The following MAP3K21 variants were observed in gnomAD, a reference collection of about 807,000 sequenced individuals.
The protein encoded by MAP3K21 is mitogen-activated protein kinase kinase kinase 21.
Under a neutral mutation model 86.1 loss-of-function variants are expected in MAP3K21, and 63 were observed. That is an observed-to-expected ratio of 0.73 (90% CI 0.60 to 0.90). MAP3K21 has a LOEUF of 0.90. MAP3K21 is among the 40% of genes least tolerant of loss of function. The pLI is 0.00. For missense variants in MAP3K21, 1,220 were observed against 1,367.7 expected (o/e 0.89, Z 1.70); for synonymous variants, 558 against 564.8 (o/e 0.99, Z 0.17).
chr1:233,369,568 G>T (rs960488124), intron 5 of MAP3K21, among the ~76,000 whole-genome samples: 1 of 152,086 alleles, frequency 6.6e-6, no homozygotes, highest in Admixed American at 6.5e-5. Context: ...GCCCAATCCC[G>T]CCTCTACCCG....
Position 233,328,862 on chromosome 1 carries a change from A to G in MAP3K21, c.805+29A>G. The G allele has an allele frequency of 6.8e-7, 1 of 1,473,652 alleles. No homozygotes were observed. The highest frequency in any genetic ancestry group is 1.5e-5 in the African/African-American group (1 of 68,878). The allele number at this position is 1,473,652 out of a possible 1,614,324, so 91.3% of individuals were successfully genotyped here. A position where few individuals can be genotyped will look rare whatever the true frequency, so the allele number is the denominator to read the frequency against. On this transcript the variant is annotated intron_variant, in intron 1 of 9. Coordinates refer to ENST00000366624, the MANE Select transcript of MAP3K21 (RefSeq NM_032435.3). The surrounding 1 kb of genome is among the most constrained non-coding windows in gnomAD (Gnocchi z 8.7). The stretch of plus-strand genomic sequence containing the variant: ...AGTGGGGCCAGAGGGAGGTGGGGGA[A>G]GACTACCTCCGTGCCAGCCCAGGCG...
Position 233,328,928 on chromosome 1 carries a change from T to C in MAP3K21, c.805+95T>C. On this transcript the variant is annotated intron_variant, in intron 1 of 9. Coordinates refer to ENST00000366624, the MANE Select transcript of MAP3K21 (RefSeq NM_032435.3). This position sits in a 1 kb window ranked among gnomAD's most constrained non-coding sequence, Gnocchi z 8.7. ...AGTACCAGATGGAAAGAGGTGGGAG[T>C]CAGCCTTAGGGCGCCAGCAGCAACT... 8.2e-7 allele frequency: 1 copy of C among 1,214,822 alleles called. No individual in the cohort carries two copies. The highest frequency in any genetic ancestry group is 1.0e-6 in the Non-Finnish European group (1 of 962,068). The allele number at this position is 1,214,822 out of a possible 1,614,324, so 75.3% of individuals were successfully genotyped here.
At chr1:233,356,683 C>T (rs542787756) in intron 4 of MAP3K21, among the ~76,000 whole-genome samples, 1 of 152,314 alleles carries the variant, frequency 6.6e-6, no homozygotes, top group Non-Finnish European at 1.5e-5. Context: ...AAGCTTAAAA[C>T]AACCTGAATA....
At chr1:233,333,770 A>C (rs1286819085) in intron 1 of MAP3K21, among the ~76,000 whole-genome samples, 1 of 152,196 alleles carries the variant, frequency 6.6e-6, no homozygotes, top group Non-Finnish European at 1.5e-5. Flanking sequence ...CCATTTAAGA[A>C]GGTCATTTGT....
intron 5 of MAP3K21, among the ~76,000 whole-genome samples, chr1:233,367,105 C>T (rs931804314): frequency 2.6e-5 from 4 of 152,084 alleles, no homozygotes; most frequent in East Asian, 1.9e-4. Context: ...CACGTTAATA[C>T]AAGACAAAAG....
chr1:233,379,214 A>C lies in MAP3K21; in HGVS notation c.2208A>C (p.Gly736=), dbSNP rs780527886. Residue 736 remains glycine, a synonymous_variant, in exon 9 of 10, where the codon GGA becomes GGC. Transcript: ENST00000366624. ...CTVLLASVAL[G]LDLRELHKAQ... Reference sequence around the variant, plus strand: ...TCCTTCTGGCATCGGTGGCTCTGGGACTGGACCTCAGAGAGCTTCATAAAG... The same window carrying C: ...TCCTTCTGGCATCGGTGGCTCTGGGCCTGGACCTCAGAGAGCTTCATAAAG... The C allele has an allele frequency of 1.4e-5, 23 of 1,614,160 alleles. No individual in the cohort carries two copies. In the South Asian group the frequency reaches 2.5e-4, roughly 18 times the overall value.
In MAP3K21 at chr1:233,328,818, C is replaced by A. The variant is rs868710250; in HGVS notation, c.790C>A (p.Leu264Ile). 1 of 1,529,770 alleles carries A rather than the reference C, an allele frequency of 6.5e-7. No homozygotes were observed. Among genetic ancestry groups the A allele is most frequent in the Admixed American group, 2.0e-5 (1 of 49,798 alleles). 94.8% of individuals were successfully genotyped at this position (1,529,770 alleles called of 1,614,324 possible). A position where few individuals can be genotyped will look rare whatever the true frequency, so the allele number is the denominator to read the frequency against. ...EAFVPILHRD[L>I]KSSNILLLEK... ...CTTCGTGCCCATCCTGCACCGGGAC[C>A]TCAAGTCCAGCAACAGTAAGTGGGG... The change falls in exon 1 of 10, where the codon CTC becomes ATC. Residue 264 changes from leucine (L) to isoleucine (I), a missense_variant. Coordinates refer to ENST00000366624, the MANE Select transcript of MAP3K21 (RefSeq NM_032435.3). The surrounding 1 kb of genome is among the most constrained non-coding windows in gnomAD (Gnocchi z 8.7).
At chr1:233,358,378 T>C (rs766665058) in intron 4 of MAP3K21, among the ~76,000 whole-genome samples, 8 of 152,116 alleles carry the variant, frequency 5.3e-5, no homozygotes, top group Non-Finnish European at 1.0e-4. Context: ...CCTGCAGTTC[T>C]GTGAAGCATT....
At chr1:233,338,146 A>C (rs1662951165) in intron 1 of MAP3K21, among the ~76,000 whole-genome samples, 1 of 152,226 alleles carries the variant, frequency 6.6e-6, no homozygotes, top group Admixed American at 6.5e-5. Flanking sequence ...ATTAAAACTG[A>C]GTATACTACA....
rs575713653 is a variant in MAP3K21, at chr1:233,376,121, G to A, written c.1826+55G>A. On this transcript the variant is annotated intron_variant, in intron 7 of 9. Transcript: ENST00000366624. ...TGTGTAATATGACAAATCCATTCCT[G>A]TGTTAATATCACATCAGCCAGACTT... 1.7e-4 allele frequency: 243 copies of A among 1,439,396 alleles called. No homozygotes were observed. The African/African-American group carries it at 3.3e-3, about 20-fold the overall frequency. The allele number at this position is 1,439,396 out of a possible 1,614,324, so 89.2% of individuals were successfully genotyped here. A position where few individuals can be genotyped will look rare whatever the true frequency, so the allele number is the denominator to read the frequency against.
rs900091791 is a variant in MAP3K21 at position 233,382,980 on chromosome 1, T to C, written c.*269T>C. ...CCAATGAAAACTATGCTGGGTCGAATTACCTTCAGCACAATGTTAATGTTT... is the reference window on the plus strand; with the variant it reads ...CCAATGAAAACTATGCTGGGTCGAACTACCTTCAGCACAATGTTAATGTTT... On this transcript the variant is annotated 3_prime_UTR_variant, in exon 10 of 10. Coordinates refer to ENST00000366624, the MANE Select transcript of MAP3K21 (RefSeq NM_032435.3). 3 of 314,300 alleles carry C rather than the reference T, an allele frequency of 9.5e-6. No homozygotes were observed. In the Admixed American group the frequency reaches 1.3e-4, roughly 14 times the overall value. 19.5% of individuals were successfully genotyped at this position (314,300 alleles called of 1,614,324 possible). A position where few individuals can be genotyped will look rare whatever the true frequency, so the allele number is the denominator to read the frequency against.
At chr1:233,351,560 G>T (rs1336881924) in intron 2 of MAP3K21, among the ~76,000 whole-genome samples, 1 of 151,946 alleles carries the variant, frequency 6.6e-6, no homozygotes, top group East Asian at 1.9e-4. Context: ...GTGTGGTGGC[G>T]GGTGCCTGTA....
chr1:233,361,281 A>C (rs185991442), intron 4 of MAP3K21, among the ~76,000 whole-genome samples: 2 of 152,350 alleles, frequency 1.3e-5, no homozygotes, highest in Admixed American at 1.3e-4. Flanking sequence ...AACCAAAACC[A>C]AGATGAGGTC....
At chr1:233,348,041 G>A (rs1346818217) in intron 2 of MAP3K21, among the ~76,000 whole-genome samples, 1 of 152,118 alleles carries the variant, frequency 6.6e-6, no homozygotes, top group Non-Finnish European at 1.5e-5. Context: ...ACAGTTTGAT[G>A]GCATTTTGTA....
At chr1:233,337,856 A>G (rs2102759271) in intron 1 of MAP3K21, among the ~76,000 whole-genome samples, 1 of 152,308 alleles carries the variant, frequency 6.6e-6, no homozygotes, top group East Asian at 1.9e-4. Context: ...ATCACATTCC[A>G]TTTCGGGAAG....
intron 9 of MAP3K21, among the ~76,000 whole-genome samples, chr1:233,381,850 C>A (rs776753306): frequency 9.9e-5 from 15 of 152,180 alleles, no homozygotes; most frequent in Non-Finnish European, 2.9e-5. Context: ...AAATCATAAT[C>A]TACAGTGAAG....
At chr1:233,331,648 A>ACCAAAGAG (rs1210132352) in intron 1 of MAP3K21, among the ~76,000 whole-genome samples, 1 of 152,236 alleles carries the variant, frequency 6.6e-6, no homozygotes, top group African/African-American at 2.4e-5. Context: ...GTACTCATGT[A>ACCAAAGAG]CCAAAGAGCT....
At chr1:233,350,886 A>G (rs933405294) in intron 2 of MAP3K21, among the ~76,000 whole-genome samples, 7 of 152,222 alleles carry the variant, frequency 4.6e-5, no homozygotes, top group African/African-American at 1.7e-4. Context: ...AAAAATGTGT[A>G]CTATACTTTA....
chr1:233,344,358 G>T (rs1157570911), intron 1 of MAP3K21, among the ~76,000 whole-genome samples: 1 of 152,126 alleles, frequency 6.6e-6, no homozygotes, highest in African/African-American at 2.4e-5. Flanking sequence ...AACCAAAACA[G>T]CATGGTACTG....
Sources: gnomAD v4.1 joint callset for allele counts (sites outside exome capture counted in the v4.1 genomes callset) on GRCh38, gnomAD v4.1.1 for gene constraint, Gnocchi (gnomAD v3.1) non-coding constraint, MANE v1.5 for transcripts, NCBI Gene and HGNC (gene_info 2026-07-23, HGNC 2026-07-21) for gene names.